FER1L5: variants seen among roughly 807,000 people sequenced by gnomAD.
FER1L5 encodes the protein fer-1 like family member 5, also known as fer-1-like protein 5.
In FER1L5, 187 loss-of-function variants were observed where a neutral mutation model predicts 279.9. The ratio of observed to expected loss-of-function variants is 0.67; its 90% CI spans 0.59 to 0.75. The LOEUF (loss-of-function observed/expected upper bound fraction) is 0.75, where lower values mean the gene tolerates loss of function less well. Ranked by LOEUF, FER1L5 falls within the 30% of genes least tolerant of loss-of-function variation. The probability of loss-of-function intolerance (pLI) is 0.00; values close to 1 mark genes in which losing one functional copy is unlikely to be tolerated. For missense variants in FER1L5, 2,091 were observed against 2,594.4 expected (o/e 0.81, Z 4.21); for synonymous variants, 921 against 989.7 (o/e 0.93, Z 1.30).
rs1039624646 is a variant in FER1L5, at chr2:96,687,798, G to A, written c.2230-18G>A. The A allele has an allele frequency of 3.8e-5, 58 of 1,546,594 alleles. No individual in the cohort carries two copies. Among genetic ancestry groups the A allele is most frequent in the Admixed American group, 3.5e-4 (18 of 50,902 alleles). On this transcript the variant is annotated intron_variant, in intron 23 of 52. Transcript: ENST00000624922. ...GGGTGTTTAGTGCCCCTGTGGGACC[G>A]ATCGGCCTCTGGCTCAGTACCCAGA...
intron 31 of FER1L5, among the ~76,000 whole-genome samples, chr2:96,693,153 C>T (rs1181252208): frequency 9.4e-5 from 14 of 148,284 alleles, no homozygotes; most frequent in East Asian, 5.9e-4. Flanking sequence ...CCAGCCTGGG[C>T]GAAAGAGCGA....
chr2:96,696,224 G>T, intron 37 of FER1L5, 147 bp downstream of exon 37: 1 of 838,576 alleles, frequency 1.2e-6, no homozygotes. Flanking sequence ...AGCCTATAGG[G>T]TCTCTGTAGG....
chr2:96,700,336 C>T lies in FER1L5; in HGVS notation c.4935C>T (p.Pro1645=). Residue 1645 remains proline, a synonymous_variant, in exon 45 of 53, where the codon CCC becomes CCT. Transcript: ENST00000624922. ...TTCCATCCCCCTCCAATCCAGAGCC[C>T]AAAACCCCTACTGTTCATGGTTTGG... is the stretch of plus-strand genomic sequence containing the variant. The part of the protein sequence containing the change: ...GKKFKLQSFE[P]KTPTVHGLGP... 1 of 1,613,030 alleles carries T rather than the reference C, an allele frequency of 6.2e-7. No individual in the cohort carries two copies. Among genetic ancestry groups the T allele is most frequent in the Non-Finnish European group, 8.5e-7 (1 of 1,179,870 alleles).
Position 96,698,857 on chromosome 2 carries a change from C to A in FER1L5, c.4518+25C>A. The A allele has an allele frequency of 6.4e-7, 1 of 1,554,504 alleles. No homozygotes were observed. Among genetic ancestry groups the A allele is most frequent in the South Asian group, 1.2e-5 (1 of 84,224 alleles). On this transcript the variant is annotated intron_variant, in intron 41 of 52. Coordinates refer to ENST00000624922, the MANE Select transcript of FER1L5 (RefSeq NM_001293083.2). This position sits in a 1 kb window ranked among gnomAD's most constrained non-coding sequence, Gnocchi z 5.5. ...GGTAAAGAACAGTACCTGCCCCACA[C>A]AGGTGCCCCGCACGCTCCCCTCAAC...
intron 6 of FER1L5, 93 bp downstream of exon 6, chr2:96,650,382 G>C: frequency 9.5e-7 from 1 of 1,054,590 alleles, no homozygotes; most frequent in East Asian, 2.6e-5. Context: ...CAAGGTCATG[G>C]TAGAAGGGCA....
At chr2:96,645,110 G>A (rs1185529041) in intron 1 of FER1L5, among the ~76,000 whole-genome samples, 1 of 152,136 alleles carries the variant, frequency 6.6e-6, no homozygotes, top group Non-Finnish European at 1.5e-5. Context: ...TGCTTGGAGG[G>A]CCTTTTACCC....
rs769104076 is a variant in FER1L5 at position 96,670,172 on chromosome 2, G to A, written c.1416G>A (p.Leu472=). ...DGLAYRGRVF[L]ELITQIKSYQ... is the part of the protein sequence containing the mutation. Reference sequence around the variant, plus strand: ...TAGCTTATCGAGGCCGAGTCTTCCTGGAGTTAATCACCCAAATCAAGTCCT... The same window carrying A: ...TAGCTTATCGAGGCCGAGTCTTCCTAGAGTTAATCACCCAAATCAAGTCCT... Residue 472 remains leucine, a synonymous_variant, in exon 18 of 53, where the codon CTG becomes CTA. Transcript: ENST00000624922. 3 of 1,551,602 alleles carry A rather than the reference G, an allele frequency of 1.9e-6. No homozygotes were observed. Among genetic ancestry groups the A allele is most frequent in the Non-Finnish European group, 2.6e-6 (3 of 1,146,974 alleles).
At chr2:96,644,079 G>A (rs1421825430) in intron 1 of FER1L5, among the ~76,000 whole-genome samples, 1 of 151,280 alleles carries the variant, frequency 6.6e-6, no homozygotes, top group Non-Finnish European at 1.5e-5. Context: ...GGCTGAGGCA[G>A]GAGAATCGCT....
At chr2:96,667,704 CATG>C (rs2076175381) in intron 14 of FER1L5, among the ~76,000 whole-genome samples, 1 of 152,264 alleles carries the variant, frequency 6.6e-6, no homozygotes, top group East Asian at 1.9e-4. Flanking sequence ...GATGGCTAGA[CATG>C]ATGAAGACAT....
chr2:96,659,079 C>T (rs1476669076), intron 9 of FER1L5, among the ~76,000 whole-genome samples: 2 of 151,818 alleles, frequency 1.3e-5, no homozygotes, highest in African/African-American at 2.4e-5. Context: ...CTACAGGCGC[C>T]CACCACCACA....
chr2:96,671,071 C>T (rs993820327), intron 18 of FER1L5, among the ~76,000 whole-genome samples: 9 of 116,684 alleles, frequency 7.7e-5, no homozygotes, highest in South Asian at 5.9e-4. Context: ...CATGCCACTG[C>T]ACTCCAGCCT....
Position 96,698,800 on chromosome 2 carries a change from A to G in FER1L5, c.4486A>G (p.Ile1496Val). 6.4e-7 allele frequency: 1 copy of G among 1,565,182 alleles called. No homozygotes were observed. Among genetic ancestry groups the G allele is most frequent in the Non-Finnish European group, 8.7e-7 (1 of 1,155,160 alleles). The change falls in exon 41 of 53, where the codon ATC (isoleucine) becomes GTC (valine). Residue 1496 changes from isoleucine (I) to valine (V), a missense_variant. Ile to Val is a conservative substitution (Grantham distance 29, BLOSUM62 3). Transcript: ENST00000624922. The surrounding 1 kb of genome is among the most constrained non-coding windows in gnomAD (Gnocchi z 5.5). ...CLVRVYMVRA[I>V]NLQPQDYNGL... The stretch of plus-strand genomic sequence containing the variant: ...GGTGCGGGTGTACATGGTACGAGCC[A>G]TCAACCTGCAGCCCCAGGACTACAA...
intron 14 of FER1L5, among the ~76,000 whole-genome samples, chr2:96,668,197 G>A (rs1263814017): frequency 2.0e-5 from 3 of 152,060 alleles, no homozygotes; most frequent in African/African-American, 7.2e-5. Flanking sequence ...CAAGTTCCAG[G>A]CCCCTCTCAG....
At position 96,695,875 on chromosome 2, in the gene FER1L5, C is replaced by G. The variant is rs376628756; in HGVS notation, c.4028C>G (p.Ala1343Gly). ...CAGCCCTACTTCTGTGACCCCTGGG[C>G]TCAAGACTATATGCACCCAAAGCTT... ...FLQPYFCDPW[A>G]QDYMHPKLPT... Residue 1343 changes from alanine (A) to glycine (G), a missense_variant, in exon 36 of 53, where the codon GCT becomes GGT. By Grantham distance (60) the Ala-to-Gly change is moderately conservative (BLOSUM62 0). Transcript: ENST00000624922. 1.2e-6 allele frequency: 2 copies of G among 1,613,550 alleles called. No homozygotes were observed. The highest frequency in any genetic ancestry group is 1.7e-5 in the Admixed American group (1 of 59,964).
Position 96,685,358 on chromosome 2 carries a change from G to A in FER1L5, c.1824G>A (p.Thr608=), listed in dbSNP as rs975913532. The change falls in exon 21 of 53, where the codon ACG becomes ACA. Residue 608 remains threonine (T), a synonymous_variant. Transcript: ENST00000624922. The part of the protein sequence containing the change: ...LKANLDTLKS[T]RNPKDPALLY... ...CCAACCTGGACACCCTGAAATCCAC[G>A]CGGAATCCGAAGGATCCAGCTCTCC... 40 of 1,551,112 alleles carry A rather than the reference G, an allele frequency of 2.6e-5. No individual in the cohort carries two copies. The highest frequency in any genetic ancestry group is 7.3e-5 in the East Asian group (3 of 40,906).
chr2:96,685,228 G>A, intron 20 of FER1L5, 101 bp from the exon 21 acceptor site: 4 of 1,016,294 alleles, frequency 3.9e-6, no homozygotes, highest in Non-Finnish European at 5.9e-6. Context: ...AAGTTCCCAA[G>A]GTCGTGGCTG....
Position 96,691,052 on chromosome 2 carries a change from T to A in FER1L5, c.2744-138T>A. The stretch of plus-strand genomic sequence containing the variant: ...CTCAGGTGACACAGTGTAGCCACAC[T>A]CTCCTTTCCACACCTCAGGGCCAGA... On this transcript the variant is annotated intron_variant, in intron 27 of 52. Transcript: ENST00000624922. This position sits in a 1 kb window ranked among gnomAD's most constrained non-coding sequence, Gnocchi z 6.0. The A allele has an allele frequency of 8.7e-7, 1 of 1,149,776 alleles. No homozygotes were observed. The highest frequency in any genetic ancestry group is 1.2e-6 in the Non-Finnish European group (1 of 838,056). 71.2% of individuals were successfully genotyped at this position (1,149,776 alleles called of 1,614,324 possible).
At chr2:96,681,187 G>C (rs946255647) in intron 19 of FER1L5, among the ~76,000 whole-genome samples, 6 of 152,158 alleles carry the variant, frequency 3.9e-5, no homozygotes, top group Middle Eastern at 3.2e-3. Flanking sequence ...GGGTAACACA[G>C]AGAGACCCTG....
chr2:96,647,682 G>T, intron 3 of FER1L5, 96 bp from the exon 4 acceptor site: 1 of 875,678 alleles, frequency 1.1e-6, no homozygotes, highest in South Asian at 1.6e-5. Context: ...GCACAGCCCT[G>T]GGAGGAAACC....
Sources: allele counts gnomAD v4.1 joint callset (sites outside exome capture counted in the v4.1 genomes callset), GRCh38; gene constraint gnomAD v4.1.1; non-coding constraint Gnocchi (gnomAD v3.1); transcripts MANE v1.5; gene names NCBI Gene and HGNC (gene_info 2026-07-23, HGNC 2026-07-21).